The following OXNAD1 variants were observed in gnomAD, a reference collection of about 807,000 sequenced individuals.
OXNAD1 encodes the protein oxidoreductase NAD binding domain containing 1, also known as oxidoreductase NAD-binding domain-containing protein 1.
In OXNAD1, 34 loss-of-function variants were observed where a neutral mutation model predicts 32.9. That is an observed-to-expected ratio of 1.03 (90% CI 0.79 to 1.38). The LOEUF (loss-of-function observed/expected upper bound fraction) is 1.38, where lower values mean the gene tolerates loss of function less well. OXNAD1 is among the 40% of genes most tolerant of loss of function. The probability of loss-of-function intolerance (pLI) is 0.00; values close to 1 mark genes in which losing one functional copy is unlikely to be tolerated. For synonymous variants in OXNAD1, 134 were observed against 135.2 expected, an observed-to-expected ratio of 0.99 and a Z score of 0.06; for missense variants, 407 against 379.4, an observed-to-expected ratio of 1.07 and a Z score of -0.60.
In OXNAD1 at chr3:16,334,443, GCA is replaced by G. The variant is rs1257752227; in HGVS notation, c.*31-2666_*31-2665del. ...ACCTACGTATTAAAAAATGAGAAAT[GCA>G]CAGAGTTATTCACTGGAGAGCGGTC... On this transcript the variant is annotated intron_variant, in intron 9 of 9. Transcript: ENST00000435829. The surrounding 1 kb of genome is among the most constrained non-coding windows in gnomAD (Gnocchi z 4.3). Among the ~76,000 whole-genome samples, 4 of 152,204 alleles carry G rather than the reference GCA, an allele frequency of 2.6e-5. No homozygotes were observed. The highest frequency in any genetic ancestry group is 9.7e-5 in the African/African-American group (4 of 41,440).
rs919409348 is a variant in OXNAD1, at chr3:16,314,356, G to C, written c.*30+10764G>C. On this transcript the variant is annotated intron_variant, in intron 9 of 9. Coordinates refer to the OXNAD1 transcript ENST00000435829. The surrounding 1 kb of genome is among the most constrained non-coding windows in gnomAD (Gnocchi z 4.4). ...GGGCCTTTATTATTTACCACTTGTA[G>C]AAAGCATTTTATTTCACAAGCTGTG... 2 of 152,126 alleles carry C rather than the reference G, an allele frequency of 1.3e-5. No individual in the cohort carries two copies. The highest frequency in any genetic ancestry group is 2.9e-5 in the Non-Finnish European group (2 of 68,024). The allele number at this position is 152,126 out of a possible 1,614,324, so 9.4% of individuals were successfully genotyped here.
At position 16,322,665 on chromosome 3, in the gene OXNAD1, G is replaced by T. The variant is rs1487030504; in HGVS notation, c.*31-14447G>T. Reference sequence around the variant, plus strand: ...GGGTGGGAAGCATCAGAATCATCTGGCACAAGGGTTGCCGACACTTGCACC... The same window carrying T: ...GGGTGGGAAGCATCAGAATCATCTGTCACAAGGGTTGCCGACACTTGCACC... On this transcript the variant is annotated intron_variant, in intron 9 of 9. Coordinates refer to the OXNAD1 transcript ENST00000435829. The surrounding 1 kb of genome is among the most constrained non-coding windows in gnomAD (Gnocchi z 6.2). Among the ~76,000 whole-genome samples, 1 of 152,184 alleles carries T rather than the reference G, an allele frequency of 6.6e-6. No homozygotes were observed. The highest frequency in any genetic ancestry group is 2.4e-5 in the African/African-American group (1 of 41,440).
intron 9 of OXNAD1, among the ~76,000 whole-genome samples, chr3:16,330,794 C>A (rs1475405147): frequency 6.6e-6 from 1 of 152,184 alleles, no homozygotes; most frequent in Non-Finnish European, 1.5e-5. Flanking sequence ...TCTTTACCCT[C>A]CAAAAATTAG....
rs1328180425 is a variant in OXNAD1 at position 16,271,355 on chromosome 3, C to T, written c.119+284C>T. Reference sequence around the variant, plus strand: ...AGTAGCTGGGATTACAGGCGTGCACCACCACACCTAGCTAATTTTTGTATT... The same window carrying T: ...AGTAGCTGGGATTACAGGCGTGCACTACCACACCTAGCTAATTTTTGTATT... On this transcript the variant is annotated intron_variant, in intron 3 of 8. Transcript: ENST00000285083. The surrounding 1 kb of genome is among the most constrained non-coding windows in gnomAD (Gnocchi z 4.6). Among the ~76,000 whole-genome samples, 1 of 152,156 alleles carries T rather than the reference C, an allele frequency of 6.6e-6. No individual in the cohort carries two copies. Among genetic ancestry groups the T allele is most frequent in the African/African-American group, 2.4e-5 (1 of 41,444 alleles).
intron 9 of OXNAD1, among the ~76,000 whole-genome samples, chr3:16,318,004 C>T (rs1214202659): frequency 6.6e-6 from 1 of 152,226 alleles, no homozygotes; most frequent in Non-Finnish European, 1.5e-5. Context: ...CCTCTAAAAA[C>T]TTCCAATCTC....
At position 16,280,240 on chromosome 3, in the gene OXNAD1, C is replaced by A. The variant is rs2065647053; in HGVS notation, c.184-6102C>A. Reference sequence around the variant, plus strand: ...TGGGGAGGGTAGAGAGGGTGTGATGCAGGAGAGAGGATAGTTGCTGGAGGG... The same window carrying A: ...TGGGGAGGGTAGAGAGGGTGTGATGAAGGAGAGAGGATAGTTGCTGGAGGG... On this transcript the variant is annotated intron_variant, in intron 4 of 8. Coordinates refer to ENST00000285083, the MANE Select transcript of OXNAD1 (RefSeq NM_138381.5). This position sits in a 1 kb window ranked among gnomAD's most constrained non-coding sequence, Gnocchi z 4.5. Among the ~76,000 whole-genome samples, 1 of 151,946 alleles carries A rather than the reference C, an allele frequency of 6.6e-6. No individual in the cohort carries two copies. The highest frequency in any genetic ancestry group is 1.5e-5 in the Non-Finnish European group (1 of 67,968).
chr3:16,271,039 A>G lies in OXNAD1; in HGVS notation c.87A>G (p.Thr29=), dbSNP rs758201095. The change falls in exon 3 of 9, where the codon ACA becomes ACG. Residue 29 remains threonine, a synonymous_variant. Transcript: ENST00000285083. The surrounding 1 kb of genome is among the most constrained non-coding windows in gnomAD (Gnocchi z 4.6). ...TTGAGGCTGCGTCACTGAGATTGACACTCAGCACTTTGCGCCACCTTACTC... is the reference window on the plus strand; with the variant it reads ...TTGAGGCTGCGTCACTGAGATTGACGCTCAGCACTTTGCGCCACCTTACTC... The part of the protein sequence containing the change: ...IRIEAASLRL[T]LSTLRHLTLT... 10 of 1,613,996 alleles carry G rather than the reference A, an allele frequency of 6.2e-6. No individual in the cohort carries two copies. Among genetic ancestry groups the G allele is most frequent in the Non-Finnish European group, 8.5e-6 (10 of 1,180,018 alleles).
rs1425045445 is a variant in OXNAD1, at chr3:16,271,610, AT to A, written c.120-44del. On this transcript the variant is annotated intron_variant, in intron 3 of 8. Transcript: ENST00000285083. This position sits in a 1 kb window ranked among gnomAD's most constrained non-coding sequence, Gnocchi z 4.6. ...TATTTCAGGAAAAACTAATTTTATTATTTTTATGAGGATAATATGTAATAAC... is the reference window on the plus strand; with the variant it reads ...TATTTCAGGAAAAACTAATTTTATTATTTTATGAGGATAATATGTAATAAC... The A allele has an allele frequency of 7.2e-7, 1 of 1,398,052 alleles. No individual in the cohort carries two copies. The highest frequency in any genetic ancestry group is 9.8e-7 in the Non-Finnish European group (1 of 1,017,768). 86.6% of individuals were successfully genotyped at this position (1,398,052 alleles called of 1,614,324 possible). A position where few individuals can be genotyped will look rare whatever the true frequency, so the allele number is the denominator to read the frequency against.
rs371334602 is a variant in OXNAD1, at chr3:16,324,514, TGA to T, written c.*31-12591_*31-12590del. On this transcript the variant is annotated intron_variant, in intron 9 of 9. Transcript: ENST00000435829. ...ACTCAACTTTTTTAGATTCCACGTA[TGA>T]GAGAGATTATAAGGTATGTCATTCT... Among the ~76,000 whole-genome samples the T allele has an allele frequency of 1.6e-4, 24 of 152,084 alleles. No individual in the cohort carries two copies. In the East Asian group the frequency reaches 3.1e-3, roughly 20 times the overall value.
rs976737371 is a variant in OXNAD1 at position 16,302,963 on chromosome 3, C to T, written c.784+215C>T. On this transcript the variant is annotated intron_variant, in intron 8 of 8. Transcript: ENST00000285083. This position sits in a 1 kb window ranked among gnomAD's most constrained non-coding sequence, Gnocchi z 4.2. ...GCCTGTGTTAAAAGTGTACTTTTCA[C>T]ACTTTTTAAGAGGCCTTTGCATCAT... is the stretch of plus-strand genomic sequence containing the variant. Among the ~76,000 whole-genome samples the T allele has an allele frequency of 2.0e-5, 3 of 152,190 alleles. No individual in the cohort carries two copies. Among genetic ancestry groups the T allele is most frequent in the Non-Finnish European group, 2.9e-5 (2 of 68,036 alleles).
At chr3:16,267,329 T>TA (rs1559714775) in intron 1 of OXNAD1, among the ~76,000 whole-genome samples, 5 of 152,186 alleles carry the variant, frequency 3.3e-5, no homozygotes, top group Admixed American at 1.3e-4. Context: ...AGCAGTCCTT[T>TA]AAAAATATAA....
Position 16,303,711 on chromosome 3 carries a change from CA to C in OXNAD1, c.*150del. 1.2e-6 allele frequency: 1 copy of C among 816,056 alleles called. No homozygotes were observed. The allele number at this position is 816,056 out of a possible 1,614,324, so 50.6% of individuals were successfully genotyped here. On this transcript the variant is annotated 3_prime_UTR_variant, in exon 9 of 9. Coordinates refer to ENST00000285083, the MANE Select transcript of OXNAD1 (RefSeq NM_138381.5). The surrounding 1 kb of genome is among the most constrained non-coding windows in gnomAD (Gnocchi z 4.8). ...TAGTGACCAGCTGGATAATAAAAGC[CA>C]GCTGGCAGACTTAAATGATAAACTT...
intron 2 of OXNAD1, among the ~76,000 whole-genome samples, 182 bp from the exon 3 acceptor site, chr3:16,270,763 A>G (rs1394584696): frequency 2.0e-5 from 3 of 152,154 alleles, no homozygotes; most frequent in Admixed American, 2.0e-4. Context: ...CCTTGAGTCA[A>G]CTCTAAATAG....
In OXNAD1 at chr3:16,345,829, TGC is replaced by T. The variant is rs1553726204; in HGVS notation, c.*31-3342_*31-3341del. On this transcript the variant is annotated intron_variant, in intron 9 of 9. Transcript: ENST00000606098. The surrounding 1 kb of genome is among the most constrained non-coding windows in gnomAD (Gnocchi z 5.2). Reference sequence around the variant, plus strand: ...GTGTGTGTGTGTGTGCGCGCGCGCGTGCGCGCACGCGCACATGTGCATGTGTA... The same window carrying T: ...GTGTGTGTGTGTGTGCGCGCGCGCGTGCGCACGCGCACATGTGCATGTGTA... 2.9e-5 allele frequency among the ~76,000 whole-genome samples: 2 copies of T among 69,824 alleles called. No homozygotes were observed. The highest frequency in any genetic ancestry group is 5.3e-5 in the African/African-American group (1 of 18,856). The allele number at this position is 69,824 out of a possible 152,430, so 45.8% of individuals were successfully genotyped here.
rs1424544551 is a variant in OXNAD1 at position 16,345,714 on chromosome 3, C to T, written c.*31-3462C>T. The stretch of plus-strand genomic sequence containing the variant: ...CCATACCACTGGCTTTCCTGGGTCT[C>T]CAGCTTGCAGATAGCAGACTGTGGG... On this transcript the variant is annotated intron_variant, in intron 9 of 9. Coordinates refer to the OXNAD1 transcript ENST00000606098. The surrounding 1 kb of genome is among the most constrained non-coding windows in gnomAD (Gnocchi z 5.2). Among the ~76,000 whole-genome samples, 2 of 151,982 alleles carry T rather than the reference C, an allele frequency of 1.3e-5. No individual in the cohort carries two copies. The highest frequency in any genetic ancestry group is 4.8e-5 in the African/African-American group (2 of 41,358).
In OXNAD1 at chr3:16,298,505, C is replaced by T. The variant is rs544235706; in HGVS notation, c.433-3121C>T. ...GCACATCCTAATTGTAGTGCCTGCT[C>T]TACTCTGCCCAGTGGGAGTTGCAAA... On this transcript the variant is annotated intron_variant, in intron 6 of 8. Transcript: ENST00000285083. The surrounding 1 kb of genome is among the most constrained non-coding windows in gnomAD (Gnocchi z 5.1). 6.6e-6 allele frequency among the ~76,000 whole-genome samples: 1 copy of T among 152,302 alleles called. No homozygotes were observed. The highest frequency in any genetic ancestry group is 1.5e-5 in the Non-Finnish European group (1 of 68,026).
intron 9 of OXNAD1, among the ~76,000 whole-genome samples, chr3:16,333,857 A>C (rs893772772): frequency 6.6e-6 from 1 of 152,216 alleles, no homozygotes; most frequent in African/African-American, 2.4e-5. Flanking sequence ...GCAGAATCTC[A>C]TAAGAAAAAT....
At chr3:16,347,708 A>G (rs1204859570) in intron 9 of OXNAD1, 3 of 152,256 alleles carry the variant, frequency 2.0e-5, no homozygotes, top group Admixed American at 2.0e-4. Flanking sequence ...GGGTCAGAGG[A>G]GAGAGGAGGA....
chr3:16,291,480 T>A lies in OXNAD1; in HGVS notation c.291-3376T>A, dbSNP rs530251696. Among the ~76,000 whole-genome samples, 4 of 152,342 alleles carry A rather than the reference T, an allele frequency of 2.6e-5. No homozygotes were observed. In the East Asian group the frequency reaches 7.7e-4, roughly 29 times the overall value. On this transcript the variant is annotated intron_variant, in intron 5 of 8. Transcript: ENST00000285083. ...TTTGTCTCTATGGATTTGTCTCTTA[T>A]AGACATTTTATACCAGCAGAATCAT... is the stretch of plus-strand genomic sequence containing the variant.
Sources: gnomAD v4.1 joint callset for allele counts (sites outside exome capture counted in the v4.1 genomes callset) on GRCh38, gnomAD v4.1.1 for gene constraint, Gnocchi (gnomAD v3.1) non-coding constraint, MANE v1.5 for transcripts, NCBI Gene and HGNC (gene_info 2026-07-23, HGNC 2026-07-21) for gene names.